The following TBL1XR1 variants were observed in gnomAD, a reference collection of about 807,000 sequenced individuals.
TBL1XR1 encodes the protein TBL1X/Y related 1.
TBL1XR1 carries 5 observed loss-of-function variants against 66.9 expected under a neutral mutation model. That is an observed-to-expected ratio of 0.07 (90% CI 0.04 to 0.16). TBL1XR1 has a LOEUF of 0.16. Among genes scored for constraint, TBL1XR1 ranks in the 10% least tolerant of loss-of-function variants. TBL1XR1 has a pLI of 1.00. For synonymous variants in TBL1XR1, 210 were observed against 206.0 expected (o/e 1.02, Z -0.17); for missense variants, 238 against 623.2 (o/e 0.38, Z 6.58).
intron 1 of TBL1XR1, among the ~76,000 whole-genome samples, chr3:177,156,799 A>G (rs1731578312): frequency 6.6e-6 from 1 of 152,204 alleles, no homozygotes; most frequent in Admixed American, 6.5e-5. Context: ...CAAAGCTGGA[A>G]GCAACACAAA....
chr3:177,166,181 G>A (rs1040683833), intron 1 of TBL1XR1, among the ~76,000 whole-genome samples: 4 of 152,132 alleles, frequency 2.6e-5, no homozygotes, highest in African/African-American at 9.7e-5. Flanking sequence ...GAGCTCAGGA[G>A]TTTGAGACCA....
chr3:177,071,031 G>GTTTTTTTTGTTT (rs1719917934), intron 2 of TBL1XR1, among the ~76,000 whole-genome samples: 1 of 104,716 alleles, frequency 9.5e-6, no homozygotes, highest in African/African-American at 3.9e-5. Flanking sequence ...CTGAGAATCT[G>GTTTTTTTTGTTT]TTTTTTTTTT....
chr3:177,130,163 G>GA, intron 1 of TBL1XR1, among the ~76,000 whole-genome samples: 1 of 115,862 alleles, frequency 8.6e-6, no homozygotes, highest in African/African-American at 3.0e-5. Flanking sequence ...AAAAAAGAAA[G>GA]AAAGAAAAAG....
chr3:177,138,118 C>G (rs898963610), intron 1 of TBL1XR1, among the ~76,000 whole-genome samples: 1 of 152,174 alleles, frequency 6.6e-6, no homozygotes, highest in Non-Finnish European at 1.5e-5. Context: ...CAAGGCCACA[C>G]TAGAGAAGTT....
chr3:177,061,001 C>T (rs538609863), intron 3 of TBL1XR1, among the ~76,000 whole-genome samples: 2 of 152,234 alleles, frequency 1.3e-5, no homozygotes, highest in South Asian at 4.1e-4. Flanking sequence ...TAGGGAAGTC[C>T]ACTTCATAAA....
intron 2 of TBL1XR1, among the ~76,000 whole-genome samples, chr3:177,068,413 G>T (rs1395674856): frequency 6.6e-6 from 1 of 152,124 alleles, no homozygotes; most frequent in Non-Finnish European, 1.5e-5. Context: ...TTAGCCAATT[G>T]GTGGCTATAT....
intron 1 of TBL1XR1, among the ~76,000 whole-genome samples, chr3:177,129,589 T>A (rs950227603): frequency 1.3e-5 from 2 of 152,150 alleles, no homozygotes; most frequent in Admixed American, 6.5e-5. Context: ...AGGCTGGGGA[T>A]AGAGTAATGA....
At chr3:177,199,271 G>C (rs947959707), upstream of TBL1XR1, among the ~76,000 whole-genome samples, 4 of 152,168 alleles carry the variant, frequency 2.6e-5, no homozygotes, top group East Asian at 5.8e-4. Flanking sequence ...ACCGCACAAA[G>C]CAAGTTTTGC....
intron 1 of TBL1XR1, among the ~76,000 whole-genome samples, chr3:177,147,250 T>C (rs1024389248): frequency 8.5e-5 from 13 of 152,076 alleles, no homozygotes; most frequent in African/African-American, 2.2e-4. Context: ...GGTCTCCCTA[T>C]GTTGCCCAGG....
chr3:177,055,959 C>A (rs1717752083), intron 3 of TBL1XR1, among the ~76,000 whole-genome samples: 1 of 152,048 alleles, frequency 6.6e-6, no homozygotes, highest in Non-Finnish European at 1.5e-5. Flanking sequence ...TGAGAAAGTA[C>A]AGATTCAAAT....
chr3:177,070,029 T>G (rs114710736), intron 2 of TBL1XR1, among the ~76,000 whole-genome samples: 97 of 152,338 alleles, frequency 6.4e-4, no homozygotes, highest in African/African-American at 2.3e-3. Flanking sequence ...AATGCTTTTT[T>G]AAAAAACAGA....
At chr3:177,086,931 G>A in intron 2 of TBL1XR1, 3 of 150,682 alleles carry the variant, frequency 2.0e-5, no homozygotes, top group African/African-American at 7.3e-5. Flanking sequence ...TAGAGAAAAG[G>A]TTATTTAAAA....
At chr3:177,072,737 T>C (rs913451406) in intron 2 of TBL1XR1, among the ~76,000 whole-genome samples, 3 of 152,196 alleles carry the variant, frequency 2.0e-5, no homozygotes, top group Admixed American at 2.0e-4. Context: ...ATATAGTTAT[T>C]CAGACTGGGG....
intron 2 of TBL1XR1, among the ~76,000 whole-genome samples, chr3:177,072,222 TCAA>T (rs1378138976): frequency 6.6e-6 from 1 of 152,200 alleles, no homozygotes; most frequent in Non-Finnish European, 1.5e-5. Context: ...CAAAATGTGA[TCAA>T]CTTTTTATTT....
At chr3:177,087,843 G>A (rs1463404073) in intron 2 of TBL1XR1, among the ~76,000 whole-genome samples, 2 of 152,068 alleles carry the variant, frequency 1.3e-5, no homozygotes, top group Non-Finnish European at 2.9e-5. Flanking sequence ...GGCTATATGG[G>A]ACCATGCTGT....
chr3:177,027,808 G>A (rs1436687464), intron 14 of TBL1XR1: 1 of 152,026 alleles, frequency 6.6e-6, no homozygotes, highest in Non-Finnish European at 1.5e-5. Context: ...CAACTGTTTT[G>A]TTTACTTAAA....
At chr3:177,106,808 T>C (rs938427109) in intron 1 of TBL1XR1, among the ~76,000 whole-genome samples, 41 of 152,320 alleles carry the variant, frequency 2.7e-4, no homozygotes, top group African/African-American at 9.4e-4. Flanking sequence ...TGTACCTCTG[T>C]GCAGGACACA....
chr3:177,112,733 G>A (rs990906335), intron 1 of TBL1XR1, among the ~76,000 whole-genome samples: 3 of 152,032 alleles, frequency 2.0e-5, no homozygotes, highest in South Asian at 4.1e-4. Flanking sequence ...TGCTGGGTGC[G>A]GTGGCTCACA....
intron 1 of TBL1XR1, among the ~76,000 whole-genome samples, chr3:177,189,042 C>T (rs959777100): frequency 6.6e-6 from 1 of 151,678 alleles, no homozygotes; most frequent in African/African-American, 2.4e-5. Context: ...CCTATCTCTA[C>T]TAAAAATACA....
Sources: gnomAD v4.1 joint callset for allele counts (sites outside exome capture counted in the v4.1 genomes callset) on GRCh38, gnomAD v4.1.1 for gene constraint, MANE v1.5 for transcripts, NCBI Gene and HGNC (gene_info 2026-07-23, HGNC 2026-07-21) for gene names.